Variants in TMEM62 observed in about 807,000 individuals in gnomAD.
TMEM62 encodes the protein transmembrane protein 62.
In TMEM62, 41 loss-of-function variants were observed where a neutral mutation model predicts 70.4. The observed-to-expected ratio is 0.58, with a 90% CI of 0.45 to 0.76. The LOEUF is 0.76. Ranked by LOEUF, TMEM62 falls within the 30% of genes least tolerant of loss-of-function variation. The probability of loss-of-function intolerance (pLI) is 0.00; values close to 1 mark genes in which losing one functional copy is unlikely to be tolerated. For synonymous variants in TMEM62, 268 were observed against 291.0 expected, an observed-to-expected ratio of 0.92 and a Z score of 0.80; for missense variants, 688 against 788.5, an observed-to-expected ratio of 0.87 and a Z score of 1.53.
intron 11 of TMEM62, among the ~76,000 whole-genome samples, chr15:43,174,520 G>A (rs943927015): frequency 2.6e-5 from 4 of 151,998 alleles, no homozygotes; most frequent in Admixed American, 2.6e-4. Context: ...TCTTATATGG[G>A]GGCTCTCAAT....
At chr15:43,149,817 G>T (rs995899764) in intron 7 of TMEM62, among the ~76,000 whole-genome samples, 4 of 152,118 alleles carry the variant, frequency 2.6e-5, no homozygotes, top group Non-Finnish European at 4.4e-5. Context: ...CCTGAATTTT[G>T]TATCTACCAT....
At chr15:43,154,504 G>A (rs1244376931) in intron 8 of TMEM62, among the ~76,000 whole-genome samples, 168 bp from the exon 9 acceptor site, 1 of 152,174 alleles carries the variant, frequency 6.6e-6, no homozygotes, top group Non-Finnish European at 1.5e-5. Flanking sequence ...AACTCCAGAA[G>A]CCACCATTCG....
At chr15:43,138,907 C>CT (rs1357728873) in intron 4 of TMEM62, among the ~76,000 whole-genome samples, 3 of 152,090 alleles carry the variant, frequency 2.0e-5, no homozygotes, top group African/African-American at 7.2e-5. Flanking sequence ...GCCTTTTTGT[C>CT]TTTTTGTGAC....
chr15:43,170,513 T>C (rs1292091653), intron 11 of TMEM62, among the ~76,000 whole-genome samples: 1 of 152,162 alleles, frequency 6.6e-6, no homozygotes, highest in African/African-American at 2.4e-5. Context: ...TCATAAACAA[T>C]GCAGAAAGTT....
chr15:43,133,522 T>C (rs910751311), upstream of TMEM62: 9 of 289,882 alleles, frequency 3.1e-5, no homozygotes, highest in South Asian at 1.6e-4. Context: ...GCCACCGTCA[T>C]TGGTGTTCAG....
intron 9 of TMEM62, 135 bp downstream of exon 9, chr15:43,154,966 G>T (rs893947284): frequency 1.1e-4 from 86 of 777,394 alleles, no homozygotes; most frequent in Non-Finnish European, 1.4e-4. Flanking sequence ...GGTGGCTCAC[G>T]CCTGTAATCC....
At chr15:43,150,856 G>A (rs2037278317) in intron 7 of TMEM62, among the ~76,000 whole-genome samples, 1 of 152,214 alleles carries the variant, frequency 6.6e-6, no homozygotes, top group Admixed American at 6.5e-5. Context: ...CCTGATACCA[G>A]GAGACTGGGA....
intron 11 of TMEM62, among the ~76,000 whole-genome samples, chr15:43,178,376 C>G (rs1175785619): frequency 6.6e-6 from 1 of 151,994 alleles, no homozygotes; most frequent in African/African-American, 2.4e-5. Flanking sequence ...TAAAATATCT[C>G]ACAACTACAC....
At chr15:43,183,774 A>C (rs2041619207) in intron 13 of TMEM62, among the ~76,000 whole-genome samples, 1 of 152,192 alleles carries the variant, frequency 6.6e-6, no homozygotes, top group South Asian at 2.1e-4. Flanking sequence ...GTGCTCAATA[A>C]ATATTTGTTA....
chr15:43,133,632 C>G lies in TMEM62; in HGVS notation c.-171C>G. 2.3e-6 allele frequency: 1 copy of G among 429,550 alleles called. No individual in the cohort carries two copies. The highest frequency in any genetic ancestry group is 3.9e-6 in the Non-Finnish European group (1 of 258,970). The allele number at this position is 429,550 out of a possible 1,614,324, so 26.6% of individuals were successfully genotyped here. On this transcript the variant is annotated 5_prime_UTR_variant, in exon 1 of 14. Coordinates refer to ENST00000260403, the MANE Select transcript of TMEM62 (RefSeq NM_024956.4). ...CAGGTGCTGGGCGGCGGCTGACGGGCGCAGCACCCTAGGCCCAGTGTCTGG... is the reference window on the plus strand; with the variant it reads ...CAGGTGCTGGGCGGCGGCTGACGGGGGCAGCACCCTAGGCCCAGTGTCTGG...
upstream of TMEM62, chr15:43,133,428 A>C (rs981230100): frequency 4.9e-6 from 1 of 203,976 alleles, no homozygotes; most frequent in Non-Finnish European, 9.8e-6. Context: ...CACTGAGGTC[A>C]GGAGTGACTG....
At chr15:43,168,094 G>A (rs909718448) in intron 10 of TMEM62, among the ~76,000 whole-genome samples, 1 of 150,282 alleles carries the variant, frequency 6.7e-6, no homozygotes, top group Non-Finnish European at 1.5e-5. Flanking sequence ...GCTTCGGCTC[G>A]GCATCAGAGG....
intron 3 of TMEM62, 85 bp from the exon 4 acceptor site, chr15:43,138,486 AATT>A: frequency 2.8e-6 from 3 of 1,080,234 alleles, no homozygotes; most frequent in Non-Finnish European, 4.1e-6. Context: ...TTATAGAAAG[AATT>A]ATTTTCCCTT....
chr15:43,136,745 C>T (rs2035277154), intron 3 of TMEM62, among the ~76,000 whole-genome samples: 1 of 151,954 alleles, frequency 6.6e-6, no homozygotes, highest in African/African-American at 2.4e-5. Context: ...GCGTGAGCCA[C>T]CACGCCTGGC....
Position 43,184,331 on chromosome 15 carries a change from C to T in TMEM62, c.1677C>T (p.Asn559=). The T allele has an allele frequency of 6.2e-7, 1 of 1,614,212 alleles. No homozygotes were observed. ...TGCTGCAGCGGTGCTTTGGTCACAA[C>T]TTCAGGTCTCATCTCCATCAAAGAA... ...WSLLQRCFGH[N]FRSHLHQRKY... Residue 559 remains asparagine (N), a synonymous_variant, in exon 14 of 14, where the codon AAC becomes AAT. Transcript: ENST00000260403.
chr15:43,181,356 AAC>A, intron 13 of TMEM62, 57 bp downstream of exon 13: 3 of 1,097,576 alleles, frequency 2.7e-6, no homozygotes, highest in Non-Finnish European at 4.2e-6. Flanking sequence ...CTAATTGCAT[AAC>A]AGTTATGAAT....
At chr15:43,164,014 T>C (rs2039081473) in intron 10 of TMEM62, among the ~76,000 whole-genome samples, 1 of 152,180 alleles carries the variant, frequency 6.6e-6, no homozygotes, top group Non-Finnish European at 1.5e-5. Context: ...TGCAGTGTAG[T>C]CTATACTGTT....
intron 4 of TMEM62, among the ~76,000 whole-genome samples, chr15:43,142,141 G>A (rs887018908): frequency 3.3e-5 from 5 of 151,220 alleles, no homozygotes; most frequent in Non-Finnish European, 2.9e-5. Context: ...CTATCAAGCA[G>A]CATTGCATGC....
In TMEM62 at chr15:43,160,726, C is replaced by G. The variant is rs1365442268; in HGVS notation, c.1228C>G (p.Gln410Glu). 6.2e-7 allele frequency: 1 copy of G among 1,612,752 alleles called. No homozygotes were observed. The highest frequency in any genetic ancestry group is 2.2e-5 in the East Asian group (1 of 44,794). ...SKSVHHIFSV[Q>E]ENNHLSFDPL... The stretch of plus-strand genomic sequence containing the variant: ...GAGTGTTCACCACATATTTTCTGTT[C>G]AAGAGAATAATCATCTCAGTTTTGA... The change falls in exon 10 of 14, where the codon CAA becomes GAA. Residue 410 changes from glutamine (Q) to glutamate (E), a missense_variant. Physicochemically the swap from Gln to Glu is conservative, Grantham distance 29 (BLOSUM62 2). Coordinates refer to ENST00000260403, the MANE Select transcript of TMEM62 (RefSeq NM_024956.4).
Sources: allele counts gnomAD v4.1 joint callset (sites outside exome capture counted in the v4.1 genomes callset), GRCh38; gene constraint gnomAD v4.1.1; transcripts MANE v1.5; gene names NCBI Gene and HGNC (gene_info 2026-07-23, HGNC 2026-07-21).